ATP2A1: variants seen among roughly 807,000 people sequenced by gnomAD.
The protein encoded by ATP2A1 is sarcoplasmic/endoplasmic reticulum calcium ATPase 1.
Under a neutral mutation model 109.5 loss-of-function variants are expected in ATP2A1, and 83 were observed. The observed-to-expected ratio is 0.76, with a 90% CI of 0.63 to 0.91. The LOEUF is 0.91. Ranked by LOEUF, ATP2A1 falls within the 40% of genes least tolerant of loss-of-function variation. The pLI, the probability that ATP2A1 is intolerant of heterozygous loss-of-function variation, is 0.00. For missense variants in ATP2A1, 1,101 were observed against 1,341.0 expected (o/e 0.82, Z 2.80); for synonymous variants, 505 against 537.6 (o/e 0.94, Z 0.84).
rs1375555303 is a variant in ATP2A1 at position 28,887,264 on chromosome 16, T to C, written c.620T>C (p.Met207Thr). The C allele has an allele frequency of 1.1e-5, 18 of 1,613,870 alleles. No homozygotes were observed. Among genetic ancestry groups the C allele is most frequent in the Admixed American group, 1.7e-5 (1 of 59,976 alleles). The change falls in exon 7 of 23, where the codon ATG becomes ACG. Residue 207 changes from methionine to threonine, a missense_variant. Transcript: ENST00000395503. ...GCTGTCAACCAGGACAAGAAGAACA[T>C]GCTTTTCTCGGTGAGCAATCCGGGA... is the stretch of plus-strand genomic sequence containing the variant. ...PRAVNQDKKN[M>T]LFSGTNIAAG...
intron 5 of ATP2A1, 50 bp from the exon 6 acceptor site, chr16:28,884,524 GA>G (rs773700216): frequency 1.3e-6 from 2 of 1,540,886 alleles, no homozygotes; most frequent in South Asian, 2.2e-5. Context: ...TCTTTGGAAG[GA>G]AGAAAATTCC....
At position 28,897,986 on chromosome 16, in the gene ATP2A1, T is replaced by G; in HGVS notation, c.1420-14T>G. 6.2e-7 allele frequency: 1 copy of G among 1,614,118 alleles called. No homozygotes were observed. On this transcript the variant is annotated splice_polypyrimidine_tract_variant and intron_variant, in intron 12 of 22. Transcript: ENST00000395503. ...TTTAAGAGGACTGGTCTCCCCTCCC[T>G]GTCTCCTCTCCAGGTGATCCGCCAG...
intron 2 of ATP2A1, 96 bp from the exon 3 acceptor site, chr16:28,879,405 A>G: frequency 2.5e-6 from 3 of 1,181,708 alleles, no homozygotes; most frequent in Non-Finnish European, 3.8e-6. Context: ...ACCACCCTAG[A>G]GCCTCCCCAC....
At chr16:28,881,582 G>GT in intron 4 of ATP2A1, 1 of 188,324 alleles carries the variant, frequency 5.3e-6, no homozygotes, top group Non-Finnish European at 1.1e-5. Flanking sequence ...GGGTGGATCA[G>GT]TTGAGGTCAG....
At chr16:28,890,292 CAAAAAAA>C (rs767608802) in intron 9 of ATP2A1, among the ~76,000 whole-genome samples, 8 of 74,392 alleles carry the variant, frequency 1.1e-4, no homozygotes, top group Middle Eastern at 8.6e-3. Flanking sequence ...CCGTCTCTAC[CAAAAAAA>C]AAAAAAAAAA....
At chr16:28,894,665 G>A (rs1057397546) in intron 11 of ATP2A1, 58 bp downstream of exon 11, 35 of 1,604,528 alleles carry the variant, frequency 2.2e-5, no homozygotes, top group Middle Eastern at 1.6e-4. Context: ...CGAAGGCCAG[G>A]AGGAAAGGGT....
chr16:28,887,720 A>C lies in ATP2A1; in HGVS notation c.926A>C (p.Glu309Ala). The change falls in exon 8 of 23, where the codon GAA becomes GCA. Residue 309 changes from glutamate (E) to alanine (A), a missense_variant and splice_region_variant. Glu to Ala is a moderately radical substitution (Grantham distance 107). Transcript: ENST00000395503. ...AVALAVAAIP[E>A]GLPAVITTCL... is the part of the protein sequence containing the mutation. ...GCCTTGGCTGTGGCTGCCATCCCCGAAGGTATGAAAGCCTTTCTTTTCTCC... is the reference window on the plus strand; with the variant it reads ...GCCTTGGCTGTGGCTGCCATCCCCGCAGGTATGAAAGCCTTTCTTTTCTCC... The C allele has an allele frequency of 6.2e-7, 1 of 1,613,790 alleles. No individual in the cohort carries two copies. The highest frequency in any genetic ancestry group is 8.5e-7 in the Non-Finnish European group (1 of 1,179,996).
At position 28,903,844 on chromosome 16, in the gene ATP2A1, C is replaced by A; in HGVS notation, c.*37+103C>A. ...TCCAAGGTCACTTGTGCTCGCAGCT[C>A]CACCTGGAGCCGTTGCCACTGCTGC... On this transcript the variant is annotated intron_variant, in intron 22 of 22. Transcript: ENST00000395503. This position sits in a 1 kb window ranked among gnomAD's most constrained non-coding sequence, Gnocchi z 5.6. The A allele has an allele frequency of 1.8e-6, 2 of 1,130,534 alleles. No individual in the cohort carries two copies. Among genetic ancestry groups the A allele is most frequent in the South Asian group, 2.5e-5 (2 of 79,496 alleles). 70.0% of individuals were successfully genotyped at this position (1,130,534 alleles called of 1,614,324 possible).
chr16:28,903,403 C>T lies in ATP2A1; in HGVS notation c.2943C>T (p.Asp981=), dbSNP rs146599017. ...LKISLPVIGL[D]EILKFVARNY... is the part of the protein sequence containing the mutation. ...TCTCACTGCCAGTCATTGGGCTCGA[C>T]GAAATCCTCAAGTTCGTTGCTCGGA... The change falls in exon 21 of 23, where the codon GAC becomes GAT. Residue 981 remains aspartate, a synonymous_variant. Transcript: ENST00000395503. This position sits in a 1 kb window ranked among gnomAD's most constrained non-coding sequence, Gnocchi z 5.6. 91 of 1,613,996 alleles carry T rather than the reference C, an allele frequency of 5.6e-5. No individual in the cohort carries two copies. In the African/African-American group the frequency reaches 8.9e-4, roughly 16 times the overall value.
Position 28,902,796 on chromosome 16 carries a change from A to C in ATP2A1, c.2629A>C (p.Thr877Pro). ...YSQLTHFMQC[T>P]EDNTHFEGID... is the part of the protein sequence containing the mutation. ...CCTGCAGACTCACTTCATGCAGTGCACCGAGGACAACACCCACTTTGAGGG... is the reference window on the plus strand; with the variant it reads ...CCTGCAGACTCACTTCATGCAGTGCCCCGAGGACAACACCCACTTTGAGGG... The change falls in exon 19 of 23, where the codon ACC becomes CCC. Residue 877 changes from threonine to proline, a missense_variant. Physicochemically the swap from Thr to Pro is conservative, Grantham distance 38 (BLOSUM62 -1). Transcript: ENST00000395503. This position sits in a 1 kb window ranked among gnomAD's most constrained non-coding sequence, Gnocchi z 4.8. The C allele has an allele frequency of 6.2e-7, 1 of 1,613,806 alleles. No homozygotes were observed. Among genetic ancestry groups the C allele is most frequent in the Non-Finnish European group, 8.5e-7 (1 of 1,179,916 alleles).
chr16:28,898,489 T>G lies in ATP2A1; in HGVS notation c.1764+38T>G. On this transcript the variant is annotated intron_variant, in intron 14 of 22. Coordinates refer to ENST00000395503, the MANE Select transcript of ATP2A1 (RefSeq NM_004320.6). This position sits in a 1 kb window ranked among gnomAD's most constrained non-coding sequence, Gnocchi z 4.0. Reference sequence around the variant, plus strand: ...GAGCCTCCCACTGTCGTGGAGCTGGTGAAGGGCCGGGTCCCAGCCATCCAC... The same window carrying G: ...GAGCCTCCCACTGTCGTGGAGCTGGGGAAGGGCCGGGTCCCAGCCATCCAC... 6.3e-7 allele frequency: 1 copy of G among 1,591,502 alleles called. No individual in the cohort carries two copies. The highest frequency in any genetic ancestry group is 1.1e-5 in the South Asian group (1 of 89,390).
chr16:28,884,672 G>A lies in ATP2A1; in HGVS notation c.544+17G>A, dbSNP rs1402033038. ...TCCTGACAGGTCTGCTGGCCTGGGT[G>A]GGAAGATGCATGGGGGTGGGACGTG... On this transcript the variant is annotated intron_variant, in intron 6 of 22. Transcript: ENST00000395503. 1 of 1,609,604 alleles carries A rather than the reference G, an allele frequency of 6.2e-7. No individual in the cohort carries two copies. Among genetic ancestry groups the A allele is most frequent in the Non-Finnish European group, 8.5e-7 (1 of 1,177,428 alleles).
intron 4 of ATP2A1, chr16:28,881,455 A>G (rs1266849397): frequency 7.4e-6 from 2 of 271,222 alleles, no homozygotes. Flanking sequence ...TGAAAACCCA[A>G]ATGCTACCTT....
At chr16:28,888,984 C>T in intron 9 of ATP2A1, 31 bp downstream of exon 9, 1 of 1,613,096 alleles carries the variant, frequency 6.2e-7, no homozygotes, top group African/African-American at 1.3e-5. Context: ...CGCGCTCAGT[C>T]AGAAGGCTGC....
At chr16:28,892,538 C>T (rs1963800135) in intron 9 of ATP2A1, 1 of 155,692 alleles carries the variant, frequency 6.4e-6, no homozygotes, top group Non-Finnish European at 1.4e-5. Context: ...TTCTGCTTTG[C>T]CCCAGAGGTT....
chr16:28,898,268 T>C lies in ATP2A1; in HGVS notation c.1581T>C (p.Tyr527=). 6.2e-7 allele frequency: 1 copy of C among 1,614,256 alleles called. No individual in the cohort carries two copies. The highest frequency in any genetic ancestry group is 8.5e-7 in the Non-Finnish European group (1 of 1,180,052). ...APEGVIDRCN[Y]VRVGTTRVPL... ...AGGGCGTCATCGACCGCTGTAACTATGTGCGAGTTGGCACCACCCGGGTGC... is the reference window on the plus strand; with the variant it reads ...AGGGCGTCATCGACCGCTGTAACTACGTGCGAGTTGGCACCACCCGGGTGC... Residue 527 remains tyrosine (Y), a synonymous_variant, in exon 14 of 23, where the codon TAT becomes TAC. Transcript: ENST00000395503. The surrounding 1 kb of genome is among the most constrained non-coding windows in gnomAD (Gnocchi z 4.0).
At chr16:28,884,967 G>A (rs1963579360) in intron 6 of ATP2A1, among the ~76,000 whole-genome samples, 1 of 152,092 alleles carries the variant, frequency 6.6e-6, no homozygotes, top group South Asian at 2.1e-4. Flanking sequence ...GGCTGTGCGA[G>A]GTGGCTCATG....
In ATP2A1 at chr16:28,878,706, G is replaced by A. The variant is rs924491973; in HGVS notation, c.35G>A (p.Cys12Tyr). ...GCTCATGCTAAAACCACGGAGGAAT[G>A]TTTGGCCTATTTTGGGGTGAGTGAG... The part of the protein sequence containing the change: ...EAAHAKTTEE[C>Y]LAYFGVSETT... The change falls in exon 1 of 23, where the codon TGT becomes TAT. Residue 12 changes from cysteine to tyrosine, a missense_variant. Transcript: ENST00000395503. The A allele has an allele frequency of 1.2e-6, 2 of 1,611,036 alleles. No individual in the cohort carries two copies. Among genetic ancestry groups the A allele is most frequent in the South Asian group, 2.2e-5 (2 of 90,546 alleles).
intron 9 of ATP2A1, among the ~76,000 whole-genome samples, chr16:28,893,467 G>A (rs1858484554): frequency 6.6e-6 from 1 of 152,018 alleles, no homozygotes; most frequent in Admixed American, 6.6e-5. Flanking sequence ...TGAATTTCTA[G>A]CTCTTCCTGC....
Sources: allele counts gnomAD v4.1 joint callset (sites outside exome capture counted in the v4.1 genomes callset), GRCh38; gene constraint gnomAD v4.1.1; non-coding constraint Gnocchi (gnomAD v3.1); transcripts MANE v1.5; gene names NCBI Gene and HGNC (gene_info 2026-07-23, HGNC 2026-07-21).